Variants in CRYZL1 observed in about 807,000 individuals in gnomAD.
CRYZL1 encodes crystallin zeta like 1.
CRYZL1 carries 34 observed loss-of-function variants against 50.6 expected under a neutral mutation model. The ratio of observed to expected loss-of-function variants is 0.67; its 90% CI spans 0.51 to 0.89. CRYZL1 has a LOEUF of 0.89. CRYZL1 is among the 40% of genes least tolerant of loss of function. CRYZL1 has a pLI of 0.00. For synonymous variants in CRYZL1, 125 were observed against 134.3 expected (o/e 0.93, Z 0.48); for missense variants, 354 against 402.3 (o/e 0.88, Z 1.03).
chr21:33,602,967 G>A (rs367655647), intron 7 of CRYZL1, among the ~76,000 whole-genome samples: 2 of 152,114 alleles, frequency 1.3e-5, no homozygotes, highest in Non-Finnish European at 2.9e-5. Context: ...TTAGTGTCTT[G>A]AACTATTTTT....
At chr21:33,630,455 G>A (rs1485977774) in intron 2 of CRYZL1, among the ~76,000 whole-genome samples, 1 of 152,022 alleles carries the variant, frequency 6.6e-6, no homozygotes, top group Non-Finnish European at 1.5e-5. Flanking sequence ...GTGTGATGGT[G>A]CGTGCCTGTA....
chr21:33,602,377 G>T, intron 7 of CRYZL1, 32 bp from the exon 8 acceptor site: 2 of 1,038,504 alleles, frequency 1.9e-6, no homozygotes, highest in Non-Finnish European at 3.0e-6. Flanking sequence ...GTGGGTGTAT[G>T]GTTATAGAAC....
chr21:33,603,548 GA>G lies in CRYZL1; in HGVS notation c.332-12del, dbSNP rs2086778509. On this transcript the variant is annotated splice_polypyrimidine_tract_variant and intron_variant, in intron 6 of 12. Transcript: ENST00000381554. ...TTTCTGGTTTATGAACTATCATAAA[GA>G]ACAAGAAGAAACAATCTGTTAGCAA... is the stretch of plus-strand genomic sequence containing the variant. 1 of 1,613,574 alleles carries G rather than the reference GA, an allele frequency of 6.2e-7. No individual in the cohort carries two copies. The highest frequency in any genetic ancestry group is 8.5e-7 in the Non-Finnish European group (1 of 1,179,982).
intron 6 of CRYZL1, among the ~76,000 whole-genome samples, chr21:33,608,684 T>C (rs1002680844): frequency 1.3e-5 from 2 of 152,206 alleles, no homozygotes; most frequent in Non-Finnish European, 2.9e-5. Context: ...TCCATCTGTG[T>C]TGTCACAAAT....
chr21:33,619,798 T>A (rs1044481489), intron 4 of CRYZL1, among the ~76,000 whole-genome samples: 3 of 152,218 alleles, frequency 2.0e-5, no homozygotes, highest in African/African-American at 7.2e-5. Context: ...TTGTAATTCT[T>A]ATACACATCC....
At chr21:33,623,471 G>T (rs1167791079) in intron 3 of CRYZL1, among the ~76,000 whole-genome samples, 2 of 152,072 alleles carry the variant, frequency 1.3e-5, no homozygotes, top group Admixed American at 1.3e-4. Context: ...TTATTTCTTA[G>T]ACTTGGATTT....
intron 1 of CRYZL1, among the ~76,000 whole-genome samples, chr21:33,636,676 A>C (rs1464969701): frequency 1.3e-5 from 2 of 152,258 alleles, no homozygotes; most frequent in African/African-American, 4.8e-5. Flanking sequence ...GAAAGTAGTT[A>C]ATAAAAATAC....
At chr21:33,615,686 A>C (rs2086922163) in intron 5 of CRYZL1, among the ~76,000 whole-genome samples, 3 of 152,318 alleles carry the variant, frequency 2.0e-5, no homozygotes, top group Middle Eastern at 3.4e-3. Context: ...TAAAAGTTTT[A>C]AGTCAATTTT....
chr21:33,590,708 G>A (rs1161896094), intron 12 of CRYZL1, among the ~76,000 whole-genome samples: 2 of 152,206 alleles, frequency 1.3e-5, no homozygotes, highest in South Asian at 2.1e-4. Flanking sequence ...GAGCCACCAC[G>A]CCTGGCCTAC....
chr21:33,621,442 C>T (rs1484199916), intron 4 of CRYZL1, among the ~76,000 whole-genome samples: 1 of 151,592 alleles, frequency 6.6e-6, no homozygotes, highest in Non-Finnish European at 1.5e-5. Flanking sequence ...CCCAGGTTCA[C>T]GCCATTCTCC....
chr21:33,597,391 A>C lies in CRYZL1; in HGVS notation c.687T>G (p.Tyr229Ter), dbSNP rs748268484. ...TTACAGCTGGTTCATCATCTTTACT[A>C]TATAATCTCACTTGCAAGGGAATAG... Reference protein sequence around the residue: ...DIVLDAGVRLYSKDDEPAVKL... With the variant: ...DIVLDAGVRL The change falls in exon 10 of 13, where the codon TAT becomes TAG. Residue 229 changes from tyrosine to a stop codon, truncating the protein, a stop_gained. Transcript: ENST00000381554. LOFTEE classifies it high-confidence loss of function. 2 of 1,579,342 alleles carry C rather than the reference A, an allele frequency of 1.3e-6. No individual in the cohort carries two copies. Among genetic ancestry groups the C allele is most frequent in the Non-Finnish European group, 1.7e-6 (2 of 1,148,996 alleles).
intron 11 of CRYZL1, chr21:33,595,208 CTT>C (rs1224376202): frequency 9.0e-7 from 1 of 1,116,906 alleles, no homozygotes; most frequent in African/African-American, 1.6e-5. Flanking sequence ...CTCTGAATGA[CTT>C]TTGTTTCAAA....
At position 33,613,591 on chromosome 21, in the gene CRYZL1, T is replaced by C; in HGVS notation, c.278A>G (p.Asp93Gly). 1 of 1,612,744 alleles carries C rather than the reference T, an allele frequency of 6.2e-7. No individual in the cohort carries two copies. Among genetic ancestry groups the C allele is most frequent in the Non-Finnish European group, 8.5e-7 (1 of 1,178,872 alleles). ...DDEVVGILPL[D>G]SEDPGLCEVV... ...TTCACAAAGTCCAGGGTCTTCAGAG[T>C]CCAGGGGCAAAATTCCTAAAAATCA... The change falls in exon 6 of 13, where the codon GAC (aspartate) becomes GGC (glycine). Residue 93 changes from aspartate (D) to glycine (G), a missense_variant. Physicochemically the swap from Asp to Gly is moderately conservative, Grantham distance 94 (BLOSUM62 -1). Coordinates refer to ENST00000381554, the MANE Select transcript of CRYZL1 (RefSeq NM_145858.3).
intron 1 of CRYZL1, among the ~76,000 whole-genome samples, chr21:33,634,557 CG>C (rs2087180329): frequency 6.7e-6 from 1 of 149,540 alleles, no homozygotes; most frequent in South Asian, 2.3e-4. Context: ...TACTAACTAG[CG>C]GGCTTTCCCA....
Position 33,591,185 on chromosome 21 carries a change from C to G in CRYZL1, c.927G>C (p.Glu309Asp), listed in dbSNP as rs777436859. The G allele has an allele frequency of 3.1e-6, 5 of 1,610,610 alleles. No homozygotes were observed. In the South Asian group the frequency reaches 5.5e-5, roughly 18 times the overall value. ...ACCTGAAAACACCAGTTGATAACTT[C>G]TCCATCACATCCTTTAAGATACGTA... Reference protein sequence around the residue: ...KYLCILKDVMEKLSTGVFRPQ... With the variant: ...KYLCILKDVMDKLSTGVFRPQ... Residue 309 changes from glutamate to aspartate, a missense_variant, in exon 12 of 13, where the codon GAG (glutamate) becomes GAC (aspartate). Physicochemically the swap from Glu to Asp is conservative, Grantham distance 45. Transcript: ENST00000381554.
rs192005422 is a variant in CRYZL1 at position 33,629,872 on chromosome 21, T to C, written c.66+1614A>G. Reference sequence around the variant, plus strand: ...AGTATGATGTTAGCTGCAGGTTTGTTATACATGGCTTTTATTATATTGATG... The same window carrying C: ...AGTATGATGTTAGCTGCAGGTTTGTCATACATGGCTTTTATTATATTGATG... On this transcript the variant is annotated intron_variant, in intron 2 of 12. Transcript: ENST00000381554. Among the ~76,000 whole-genome samples, 19 of 152,344 alleles carry C rather than the reference T, an allele frequency of 1.2e-4. No homozygotes were observed. In the East Asian group the frequency reaches 3.7e-3, roughly 29 times the overall value.
chr21:33,614,164 T>A (rs1276272716), intron 5 of CRYZL1, among the ~76,000 whole-genome samples: 1 of 137,800 alleles, frequency 7.3e-6, no homozygotes, highest in Non-Finnish European at 1.6e-5. Flanking sequence ...AGTGCGAGAC[T>A]CTGTGTCAAA....
chr21:33,627,114 T>C (rs185055408), intron 2 of CRYZL1, among the ~76,000 whole-genome samples: 103 of 152,330 alleles, frequency 6.8e-4, no homozygotes, highest in Middle Eastern at 3.4e-3. Context: ...TGATCAATGA[T>C]AGAAGCCAAG....
At chr21:33,629,538 C>T (rs1358358930) in intron 2 of CRYZL1, among the ~76,000 whole-genome samples, 2 of 152,218 alleles carry the variant, frequency 1.3e-5, no homozygotes, top group African/African-American at 4.8e-5. Context: ...GCTGGGATTA[C>T]AGGCGTGAGC....
Sources: allele counts gnomAD v4.1 joint callset (sites outside exome capture counted in the v4.1 genomes callset), GRCh38; gene constraint gnomAD v4.1.1; transcripts MANE v1.5; gene names NCBI Gene and HGNC (gene_info 2026-07-23, HGNC 2026-07-21).